Variants in EYA2 observed in about 807,000 individuals in gnomAD.
The protein encoded by EYA2 is EYA transcriptional coactivator and phosphatase 2.
In EYA2, 31 loss-of-function variants were observed where a neutral mutation model predicts 69.2. The observed-to-expected ratio is 0.45, with a 90% CI of 0.34 to 0.60. The LOEUF (loss-of-function observed/expected upper bound fraction) is 0.60. Among genes scored for constraint, EYA2 ranks in the 20% least tolerant of loss-of-function variants. EYA2 has a pLI of 0.02. For synonymous variants in EYA2, 257 were observed against 279.4 expected, an observed-to-expected ratio of 0.92 and a Z score of 0.80; for missense variants, 622 against 701.2, an observed-to-expected ratio of 0.89 and a Z score of 1.28.
At chr20:46,979,971 C>T (rs1980721702) in intron 1 of EYA2, among the ~76,000 whole-genome samples, 1 of 152,216 alleles carries the variant, frequency 6.6e-6, no homozygotes, top group African/African-American at 2.4e-5. Context: ...CAAGGTTACA[C>T]CGCTGATAAC....
intron 10 of EYA2, among the ~76,000 whole-genome samples, chr20:47,164,458 C>T (rs527771035): frequency 1.3e-5 from 2 of 152,186 alleles, no homozygotes; most frequent in African/African-American, 4.8e-5. Context: ...GGCTCCAGAG[C>T]TTGAGGAAAG....
In EYA2 at chr20:47,187,990, C is replaced by T. The variant is rs1197582951; in HGVS notation, c.1537-63C>T. ...TGACTTCTCACATGCCCTCTAACCA[C>T]AGGCGTGGAACCCGGGGGCAGGGGC... On this transcript the variant is annotated intron_variant, in intron 15 of 15. Coordinates refer to ENST00000327619, the MANE Select transcript of EYA2 (RefSeq NM_005244.5). The T allele has an allele frequency of 6.6e-6, 10 of 1,518,490 alleles. No individual in the cohort carries two copies. The East Asian group carries it at 1.7e-4, about 26-fold the overall frequency. The allele number at this position is 1,518,490 out of a possible 1,614,324, so 94.1% of individuals were successfully genotyped here.
At chr20:47,046,757 T>TG (rs2030060463) in intron 5 of EYA2, among the ~76,000 whole-genome samples, 1 of 152,162 alleles carries the variant, frequency 6.6e-6, no homozygotes, top group African/African-American at 2.4e-5. Context: ...GGTTTGACAC[T>TG]GTAAAATATG....
At chr20:47,168,126 G>A (rs1392599873) in intron 10 of EYA2, among the ~76,000 whole-genome samples, 2 of 152,082 alleles carry the variant, frequency 1.3e-5, no homozygotes, top group Admixed American at 1.3e-4. Context: ...AATCACTGTG[G>A]CCAGGGGGAC....
intron 7 of EYA2, among the ~76,000 whole-genome samples, chr20:47,083,380 C>T (rs972257821): frequency 2.6e-5 from 4 of 152,042 alleles, no homozygotes; most frequent in African/African-American, 9.7e-5. Context: ...AGTTCAAGAT[C>T]AGCCTGGCCA....
intron 9 of EYA2, among the ~76,000 whole-genome samples, chr20:47,138,687 C>G (rs143778939): frequency 7.5e-4 from 113 of 151,158 alleles, no homozygotes; most frequent in African/African-American, 2.7e-3. Context: ...CCTGGGAGGT[C>G]GAGGCTGCAG....
At chr20:46,964,571 G>A (rs1206773) in intron 1 of EYA2, among the ~76,000 whole-genome samples, 38,646 of 152,152 alleles carry the variant, frequency 0.25, 5,297 homozygotes, top group African/African-American at 0.33. Flanking sequence ...CCTGTCCTGT[G>A]ACGCAGGTAT....
chr20:47,165,328 C>T (rs1415654006), intron 10 of EYA2, among the ~76,000 whole-genome samples: 3 of 152,176 alleles, frequency 2.0e-5, no homozygotes, highest in East Asian at 3.8e-4. Flanking sequence ...AAAGGAAATT[C>T]GAAATACTGA....
At position 46,987,978 on chromosome 20, in the gene EYA2, A is replaced by C. The variant is rs1445834145; in HGVS notation, c.-10-2023A>C. ...TCTCTCTCTCTCTATATATATATAT[A>C]TATATATATATATATATATGGGGCA... On this transcript the variant is annotated intron_variant, in intron 1 of 15. Transcript: ENST00000327619. Among the ~76,000 whole-genome samples, 41 of 55,374 alleles carry C rather than the reference A, an allele frequency of 7.4e-4. 1 individual carries two copies. The highest frequency in any genetic ancestry group is 1.2e-3 in the South Asian group (2 of 1,650). The allele number at this position is 55,374 out of a possible 152,430, so 36.3% of individuals were successfully genotyped here.
intron 7 of EYA2, among the ~76,000 whole-genome samples, chr20:47,084,839 T>A (rs1370955369): frequency 1.3e-5 from 2 of 149,170 alleles, no homozygotes; most frequent in African/African-American, 2.5e-5. Flanking sequence ...TCTTTCTTTT[T>A]TTTTTTTTTT....
At chr20:47,159,601 GCA>G (rs376875453) in intron 10 of EYA2, among the ~76,000 whole-genome samples, 122 of 152,158 alleles carry the variant, frequency 8.0e-4, no homozygotes, top group African/African-American at 2.8e-3. Context: ...TTTGACAAAT[GCA>G]GCATACTAAT....
At chr20:46,955,198 G>A (rs1347782655) in intron 1 of EYA2, among the ~76,000 whole-genome samples, 3 of 149,784 alleles carry the variant, frequency 2.0e-5, no homozygotes, top group Admixed American at 6.7e-5. Flanking sequence ...GTGCAATGGC[G>A]CGATCTCGGC....
intron 5 of EYA2, among the ~76,000 whole-genome samples, chr20:47,025,230 G>A (rs1317667409): frequency 6.6e-6 from 1 of 152,110 alleles, no homozygotes; most frequent in Non-Finnish European, 1.5e-5. Context: ...TACTGGGATT[G>A]TCACTGCTTT....
At chr20:47,157,710 C>T (rs189700084) in intron 10 of EYA2, among the ~76,000 whole-genome samples, 2 of 151,854 alleles carry the variant, frequency 1.3e-5, no homozygotes, top group Admixed American at 6.5e-5. Context: ...GAAATTAGCC[C>T]AAGTGGAAAT....
chr20:47,049,770 G>A (rs567654857), intron 5 of EYA2, among the ~76,000 whole-genome samples: 2 of 151,868 alleles, frequency 1.3e-5, no homozygotes, highest in South Asian at 4.2e-4. Context: ...AGCTTCAGGT[G>A]TTTCTTTATA....
intron 9 of EYA2, among the ~76,000 whole-genome samples, chr20:47,141,735 A>T (rs1216159392): frequency 6.6e-6 from 1 of 152,202 alleles, no homozygotes; most frequent in African/African-American, 2.4e-5. Flanking sequence ...CAGCCTTGTG[A>T]AGTGAGAAAA....
At chr20:46,979,603 T>TA (rs776326420) in intron 1 of EYA2, 6 of 152,106 alleles carry the variant, frequency 3.9e-5, no homozygotes, top group Non-Finnish European at 5.9e-5. Context: ...TTCCCCTGCA[T>TA]AGAGAATAAG....
intron 6 of EYA2, 41 bp from the exon 7 acceptor site, chr20:47,074,117 G>C (rs770684747): frequency 2.0e-6 from 3 of 1,527,394 alleles, no homozygotes; most frequent in African/African-American, 2.8e-5. Context: ...GCCCAGAAAG[G>C]CTTCCTCACA....
intron 1 of EYA2, among the ~76,000 whole-genome samples, chr20:46,981,644 A>C (rs1427812915): frequency 6.6e-6 from 1 of 152,228 alleles, no homozygotes; most frequent in African/African-American, 2.4e-5. Context: ...TTTGGAAAAA[A>C]TAAACTTTTA....
Sources: gnomAD v4.1 joint callset for allele counts (sites outside exome capture counted in the v4.1 genomes callset) on GRCh38, gnomAD v4.1.1 for gene constraint, MANE v1.5 for transcripts, NCBI Gene and HGNC (gene_info 2026-07-23, HGNC 2026-07-21) for gene names.